The following SBNO1 variants were observed in gnomAD, a reference collection of about 807,000 sequenced individuals.
The protein encoded by SBNO1 is protein strawberry notch homolog 1.
In SBNO1, 23 loss-of-function variants were observed where a neutral mutation model predicts 173.6. The ratio of observed to expected loss-of-function variants is 0.13; its 90% confidence interval spans 0.10 to 0.19. The LOEUF is 0.19. Ranked by LOEUF, SBNO1 falls within the 10% of genes least tolerant of loss-of-function variation. The probability of loss-of-function intolerance (pLI) is 1.00; values close to 1 mark genes in which losing one functional copy is unlikely to be tolerated. For missense variants in SBNO1, 1,238 were observed against 1,671.2 expected, an observed-to-expected ratio of 0.74 and a Z score of 4.52; for synonymous variants, 632 against 571.5, an observed-to-expected ratio of 1.11 and a Z score of -1.51.
intron 23 of SBNO1, 47 bp from the exon 24 acceptor site, chr12:123,313,766 C>T (rs1330173618): frequency 1.8e-6 from 2 of 1,119,336 alleles, no homozygotes; most frequent in South Asian, 2.6e-5. Flanking sequence ...CATTTGGATA[C>T]TCTTCAATCA....
At chr12:123,361,845 A>C (rs1205966645) in intron 1 of SBNO1, among the ~76,000 whole-genome samples, 3 of 152,100 alleles carry the variant, frequency 2.0e-5, no homozygotes, top group African/African-American at 7.2e-5. Context: ...GTGAAGATTT[A>C]TTTAAGATTC....
rs1307297351 is a variant in SBNO1, at chr12:123,295,717, T to A, written c.*191A>T. ...GGGGAGAAGCTAAAGGAAAGACATATGTACCACCATCAGCACTGCTGATTT... is the reference window on the plus strand; with the variant it reads ...GGGGAGAAGCTAAAGGAAAGACATAAGTACCACCATCAGCACTGCTGATTT... On this transcript the variant is annotated 3_prime_UTR_variant, in exon 32 of 32. Coordinates refer to ENST00000602398, the MANE Select transcript of SBNO1 (RefSeq NM_001167856.3). 2 of 649,118 alleles carry A rather than the reference T, an allele frequency of 3.1e-6. No homozygotes were observed. The highest frequency in any genetic ancestry group is 2.1e-5 in the South Asian group (1 of 47,492). The allele number at this position is 649,118 out of a possible 1,614,324, so 40.2% of individuals were successfully genotyped here. A position where few individuals can be genotyped will look rare whatever the true frequency, so the allele number is the denominator to read the frequency against.
At chr12:123,328,961 C>A in intron 9 of SBNO1, 66 bp from the exon 10 acceptor site, 1 of 942,362 alleles carries the variant, frequency 1.1e-6, no homozygotes, top group Non-Finnish European at 1.5e-6. Context: ...TTCATCCCAA[C>A]TAAACATTCA....
Position 123,324,510 on chromosome 12 carries a change from C to T in SBNO1, c.1974-679G>A, listed in dbSNP as rs561223854. Among the ~76,000 whole-genome samples the T allele has an allele frequency of 5.3e-5, 8 of 151,986 alleles. No homozygotes were observed. In the South Asian group the frequency reaches 1.2e-3, roughly 24 times the overall value. ...CTAGTTTTTGTATTTTTAGTAGAGACGAGGTTTCACCGTGTTGGCCAGGCT... is the reference window on the plus strand; with the variant it reads ...CTAGTTTTTGTATTTTTAGTAGAGATGAGGTTTCACCGTGTTGGCCAGGCT... On this transcript the variant is annotated intron_variant, in intron 15 of 31. Transcript: ENST00000602398.
chr12:123,319,062 C>T (rs1869654335), intron 20 of SBNO1, among the ~76,000 whole-genome samples: 1 of 150,132 alleles, frequency 6.7e-6, no homozygotes, highest in Non-Finnish European at 1.5e-5. Flanking sequence ...CTCCCAGGTT[C>T]CAGCTATTCT....
intron 28 of SBNO1, among the ~76,000 whole-genome samples, chr12:123,306,907 G>A (rs11057252): frequency 0.019 from 2,887 of 151,454 alleles, 39 homozygotes; most frequent in Non-Finnish European, 0.03. Flanking sequence ...AAACCAGCAA[G>A]GCACAGTAGC....
chr12:123,340,581 CAA>C (rs752794679), intron 5 of SBNO1, among the ~76,000 whole-genome samples: 140 of 46,788 alleles, frequency 3.0e-3, no homozygotes, highest in African/African-American at 0.01. Context: ...GACTCTGTCT[CAA>C]AAAAAAAAAA....
intron 25 of SBNO1, among the ~76,000 whole-genome samples, chr12:123,310,767 T>C (rs1172763739): frequency 1.3e-5 from 2 of 151,760 alleles, no homozygotes; most frequent in Non-Finnish European, 2.9e-5. Flanking sequence ...ACTCCTGACC[T>C]TGTGATCTAC....
chr12:123,328,694 T>C, intron 10 of SBNO1, 40 bp downstream of exon 10: 1 of 1,410,732 alleles, frequency 7.1e-7, no homozygotes, highest in East Asian at 2.5e-5. Context: ...ATAATTTTCT[T>C]GTCGTTAAAA....
chr12:123,320,724 G>T lies in SBNO1; in HGVS notation c.2466C>A (p.Ile822=). 6.2e-7 allele frequency: 1 copy of T among 1,609,800 alleles called. No homozygotes were observed. The highest frequency in any genetic ancestry group is 1.1e-5 in the South Asian group (1 of 89,822). The change falls in exon 18 of 32, where the codon ATC becomes ATA. Residue 822 remains isoleucine (I), a synonymous_variant. Transcript: ENST00000602398. ...KRPSFSSTPV[I]SPAPNSTPAN... ...CTGGTGTACTGTTAGGAGCAGGTGA[G>T]ATAACTGGTGTAGATGAAAAACTAG...
chr12:123,324,837 T>C (rs1228779933), intron 15 of SBNO1, among the ~76,000 whole-genome samples: 1 of 152,024 alleles, frequency 6.6e-6, no homozygotes, highest in Non-Finnish European at 1.5e-5. Flanking sequence ...AGGGTCTCAC[T>C]CTGCCGCCCA....
chr12:123,296,555 G>T (rs1025918041), intron 31 of SBNO1, among the ~76,000 whole-genome samples: 3 of 140,424 alleles, frequency 2.1e-5, no homozygotes, highest in African/African-American at 5.4e-5. Flanking sequence ...ATATATATGT[G>T]TTTTTTTTTT....
At chr12:123,319,784 G>C in intron 20 of SBNO1, 116 bp downstream of exon 20, 1 of 855,248 alleles carries the variant, frequency 1.2e-6, no homozygotes, top group Non-Finnish European at 1.8e-6. Flanking sequence ...AAAAAATACA[G>C]AATGACAATA....
intron 1 of SBNO1, among the ~76,000 whole-genome samples, chr12:123,358,335 C>A (rs1781859931): frequency 6.6e-6 from 1 of 152,192 alleles, no homozygotes; most frequent in Non-Finnish European, 1.5e-5. Context: ...GATTTTGAAT[C>A]TTCAGATTAG....
In SBNO1 at chr12:123,289,301, A is replaced by C. The variant is rs951939011; in HGVS notation, c.*6607T>G. On this transcript the variant is annotated 3_prime_UTR_variant, in exon 32 of 32. Transcript: ENST00000602398. ...GCATGAGACCAAATTTTTCAGTTACATATCAAAAATGATTGGGATAATCAA... is the reference window on the plus strand; with the variant it reads ...GCATGAGACCAAATTTTTCAGTTACCTATCAAAAATGATTGGGATAATCAA... The C allele has an allele frequency of 7.2e-5, 11 of 152,266 alleles. 1 individual carries two copies. Among genetic ancestry groups the C allele is most frequent in the African/African-American group, 2.4e-4 (10 of 41,474 alleles). 9.4% of individuals were successfully genotyped at this position (152,266 alleles called of 1,614,324 possible). A position where few individuals can be genotyped will look rare whatever the true frequency, so the allele number is the denominator to read the frequency against.
Position 123,309,854 on chromosome 12 carries a change from A to C in SBNO1, c.3298T>G (p.Tyr1100Asp). 1 of 1,581,680 alleles carries C rather than the reference A, an allele frequency of 6.3e-7. No homozygotes were observed. The highest frequency in any genetic ancestry group is 8.6e-7 in the Non-Finnish European group (1 of 1,165,270). Residue 1100 changes from tyrosine (Y) to aspartate (D), a missense_variant and splice_region_variant, in exon 26 of 32, where the codon TAT (tyrosine) becomes GAT (aspartate). Around this residue, in one of 14 missense-constraint regions of SBNO1, gnomAD observed 351 missense variants for 420.3 expected, o/e 0.84. Transcript: ENST00000602398. ...RSGILTLDKD[Y>D]NNIGKFLNRI... ...TTTAAGAATTTTCCTATGTTGTTAT[A>C]ATCTGTAATGACAAAAGATAAACGT...
At position 123,323,802 on chromosome 12, in the gene SBNO1, T is replaced by C; in HGVS notation, c.2003A>G (p.His668Arg). 1 of 1,611,424 alleles carries C rather than the reference T, an allele frequency of 6.2e-7. No individual in the cohort carries two copies. The highest frequency in any genetic ancestry group is 1.3e-5 in the African/African-American group (1 of 74,848). Reference protein sequence around the residue: ...KGVLQSLIEKHFPAPDRKKLY... With the variant: ...KGVLQSLIEKRFPAPDRKKLY... ...TTTTTTCCTGTCTGGAGCAGGAAAATGTTTTTCAATGAGTGACTGCAACAC... is the reference window on the plus strand; with the variant it reads ...TTTTTTCCTGTCTGGAGCAGGAAAACGTTTTTCAATGAGTGACTGCAACAC... The change falls in exon 16 of 32, where the codon CAT (histidine) becomes CGT (arginine). Residue 668 changes from histidine (H) to arginine (R), a missense_variant. By Grantham distance (29) the His-to-Arg change is conservative. Coordinates refer to ENST00000602398, the MANE Select transcript of SBNO1 (RefSeq NM_001167856.3).
At chr12:123,364,553 A>G (rs28605269) in intron 1 of SBNO1, 148 bp downstream of exon 1, 946,910 of 984,956 alleles carry the variant, frequency 0.96, 455,365 homozygotes, top group Non-Finnish European at 0.96. Flanking sequence ...CGCGGCCGCG[A>G]GGAGCGGCAA....
Position 123,317,262 on chromosome 12 carries a change from A to G in SBNO1, c.2894T>C (p.Leu965Ser). The part of the protein sequence containing the change: ...KNQRRRVHMT[L>S]ELPWSADRAI... ...TCTATCAGCGCTCCAAGGTAATTCT[A>G]AAGTCATATGAACTCTTCGCCTTTG... Residue 965 changes from leucine (L) to serine (S), a missense_variant, in exon 21 of 32, where the codon TTA becomes TCA. By Grantham distance (145) the Leu-to-Ser change is moderately radical. Coordinates refer to ENST00000602398, the MANE Select transcript of SBNO1 (RefSeq NM_001167856.3). 6.2e-7 allele frequency: 1 copy of G among 1,614,186 alleles called. No individual in the cohort carries two copies. The highest frequency in any genetic ancestry group is 8.5e-7 in the Non-Finnish European group (1 of 1,180,012).
Sources: gnomAD v4.1 joint callset for allele counts (sites outside exome capture counted in the v4.1 genomes callset) on GRCh38, gnomAD v4.1.1 for gene constraint, gnomAD v4.1.1 regional missense constraint, MANE v1.5 for transcripts, NCBI Gene and HGNC (gene_info 2026-07-23, HGNC 2026-07-21) for gene names.